Variants in PLEKHA8 observed in about 807,000 individuals in gnomAD.
PLEKHA8 encodes pleckstrin homology domain containing A8.
PLEKHA8 carries 36 observed loss-of-function variants against 68.2 expected under a neutral mutation model. The ratio of observed to expected loss-of-function variants is 0.53; its 90% CI spans 0.40 to 0.70. The LOEUF (loss-of-function observed/expected upper bound fraction) is 0.70, where lower values mean the gene tolerates loss of function less well. PLEKHA8 is among the 30% of genes least tolerant of loss of function. The pLI is 0.00. For synonymous variants in PLEKHA8, 211 were observed against 216.1 expected (o/e 0.98, Z 0.20); for missense variants, 505 against 615.4 (o/e 0.82, Z 1.90).
At chr7:30,117,924 T>G in intron 13 of PLEKHA8, 1 of 1,339,922 alleles carries the variant, frequency 7.5e-7, no homozygotes, top group Non-Finnish European at 1.0e-6. Context: ...CATATTTTTA[T>G]TTTTTAAAAA....
At chr7:30,036,085 G>A (rs565041196) in intron 1 of PLEKHA8, among the ~76,000 whole-genome samples, 74 of 151,958 alleles carry the variant, frequency 4.9e-4, no homozygotes, top group African/African-American at 1.6e-3. Context: ...GTGAAGCCCC[G>A]TCTCTACTAA....
At chr7:30,052,007 C>G (rs1792448625) in intron 6 of PLEKHA8, among the ~76,000 whole-genome samples, 1 of 152,050 alleles carries the variant, frequency 6.6e-6, no homozygotes, top group African/African-American at 2.4e-5. Context: ...CAGTTACTGG[C>G]CGGGCAAACA....
At chr7:30,115,832 A>C (rs1425113456) in intron 13 of PLEKHA8, 1 of 143,724 alleles carries the variant, frequency 7.0e-6, no homozygotes, top group South Asian at 2.2e-4. Flanking sequence ...ATGCGTGCAC[A>C]TACATGTATA....
At chr7:30,065,159 T>A (rs531586049) in intron 12 of PLEKHA8, among the ~76,000 whole-genome samples, 1 of 152,346 alleles carries the variant, frequency 6.6e-6, no homozygotes, top group South Asian at 2.1e-4. Context: ...GGGCAAATGC[T>A]GCTTTGTGAC....
At position 30,081,217 on chromosome 7, in the gene PLEKHA8, AC is replaced by A. The variant is rs1794914804; in HGVS notation, c.*2433del. ...CTTGAATAAGTTACATTTTCCAATT[AC>A]CCTTTTTCCACATCTGTAGAAAGAG... is the stretch of plus-strand genomic sequence containing the variant. On this transcript the variant is annotated 3_prime_UTR_variant, in exon 14 of 14. Transcript: ENST00000449726. The A allele has an allele frequency of 1.0e-6, 1 of 985,138 alleles. No individual in the cohort carries two copies. The highest frequency in any genetic ancestry group is 4.7e-5 in the South Asian group (1 of 21,282). 61.0% of individuals were successfully genotyped at this position (985,138 alleles called of 1,614,324 possible).
At chr7:30,112,289 C>T (rs963082103) in intron 13 of PLEKHA8, among the ~76,000 whole-genome samples, 7 of 151,718 alleles carry the variant, frequency 4.6e-5, no homozygotes, top group African/African-American at 1.7e-4. Context: ...TTGAACAAGA[C>T]GATTTTCACG....
intron 13 of PLEKHA8, among the ~76,000 whole-genome samples, chr7:30,097,320 T>C (rs1795658919): frequency 6.6e-6 from 1 of 152,226 alleles, no homozygotes; most frequent in African/African-American, 2.4e-5. Flanking sequence ...ATTGCTCTTC[T>C]TGAGGAGTCT....
At chr7:30,031,512 T>A (rs1790662173) in intron 1 of PLEKHA8, among the ~76,000 whole-genome samples, 1 of 152,116 alleles carries the variant, frequency 6.6e-6, no homozygotes. Flanking sequence ...AGAGGACCCA[T>A]CTGGCTGAGA....
intron 7 of PLEKHA8, among the ~76,000 whole-genome samples, chr7:30,054,187 G>A (rs1015958946): frequency 1.3e-5 from 2 of 152,160 alleles, no homozygotes; most frequent in African/African-American, 2.4e-5. Context: ...AAACAAGAAG[G>A]CAGAACATCA....
At chr7:30,109,526 T>C (rs901521574) in intron 13 of PLEKHA8, among the ~76,000 whole-genome samples, 1 of 130,304 alleles carries the variant, frequency 7.7e-6, no homozygotes, top group African/African-American at 2.9e-5. Context: ...AGGTGGAGGT[T>C]GCAGTCAGCC....
rs1794784395 is a variant in PLEKHA8, at chr7:30,078,991, C to G, written c.*204C>G. ...GATCAAGGTGCTATATATTTCAGTT[C>G]AGCAGGCCTACTGGAAACCAAATGA... On this transcript the variant is annotated 3_prime_UTR_variant, in exon 14 of 14. Coordinates refer to ENST00000449726, the MANE Select transcript of PLEKHA8 (RefSeq NM_001197026.2). 1 of 1,344,236 alleles carries G rather than the reference C, an allele frequency of 7.4e-7. No individual in the cohort carries two copies. Among genetic ancestry groups the G allele is most frequent in the Non-Finnish European group, 9.5e-7 (1 of 1,050,390 alleles). The allele number at this position is 1,344,236 out of a possible 1,614,324, so 83.3% of individuals were successfully genotyped here.
chr7:30,090,850 A>G (rs146723916), downstream of PLEKHA8: 339 of 191,586 alleles, frequency 1.8e-3, 2 homozygotes, highest in African/African-American at 7.6e-3. Flanking sequence ...TTAAAAATAA[A>G]TATGATTTTA....
chr7:30,057,790 C>G (rs1367689415), intron 9 of PLEKHA8, among the ~76,000 whole-genome samples: 1 of 152,156 alleles, frequency 6.6e-6, no homozygotes, highest in Non-Finnish European at 1.5e-5. Context: ...TGAAATTGCT[C>G]TAAACATTTT....
intron 3 of PLEKHA8, 137 bp from the exon 4 acceptor site, chr7:30,047,695 A>G: frequency 1.1e-6 from 1 of 881,742 alleles, no homozygotes; most frequent in Non-Finnish European, 1.6e-6. Context: ...TTTGCAACCC[A>G]TACTTTAAAG....
downstream of PLEKHA8, among the ~76,000 whole-genome samples, chr7:30,095,628 G>T (rs1015931369): frequency 2.0e-5 from 3 of 152,144 alleles, no homozygotes; most frequent in African/African-American, 7.2e-5. Context: ...GTATTGCCTA[G>T]GTTTTCTTCT....
chr7:30,106,204 G>A (rs1264432522), intron 13 of PLEKHA8, among the ~76,000 whole-genome samples: 6 of 152,054 alleles, frequency 3.9e-5, no homozygotes, highest in Non-Finnish European at 7.4e-5. Flanking sequence ...GATTACAGGC[G>A]CATGCCACCA....
At position 30,062,013 on chromosome 7, in the gene PLEKHA8, C is replaced by G; in HGVS notation, c.1215C>G (p.Leu405=). Reference sequence around the variant, plus strand: ...TTAGGAACTCAGCGACTGAAGCCCTCTTGTGGCTGAAGAGGTGAGGCAGCT... The same window carrying G: ...TTAGGAACTCAGCGACTGAAGCCCTGTTGTGGCTGAAGAGGTGAGGCAGCT... The part of the protein sequence containing the change: ...AQVRNSATEA[L]LWLKRGLKFL... Residue 405 remains leucine (L), a synonymous_variant, in exon 11 of 14, where the codon CTC becomes CTG. Coordinates refer to ENST00000449726, the MANE Select transcript of PLEKHA8 (RefSeq NM_001197026.2). 1 of 1,613,058 alleles carries G rather than the reference C, an allele frequency of 6.2e-7. No individual in the cohort carries two copies. Among genetic ancestry groups the G allele is most frequent in the East Asian group, 2.2e-5 (1 of 44,856 alleles).
intron 13 of PLEKHA8, among the ~76,000 whole-genome samples, chr7:30,099,045 C>T (rs926709760): frequency 4.6e-5 from 7 of 152,194 alleles, no homozygotes; most frequent in Admixed American, 1.3e-4. Flanking sequence ...TGTGAGCCAC[C>T]GTGCCCAGCC....
At chr7:30,103,628 T>C (rs1795949856) in intron 13 of PLEKHA8, among the ~76,000 whole-genome samples, 1 of 152,254 alleles carries the variant, frequency 6.6e-6, no homozygotes, top group Non-Finnish European at 1.5e-5. Flanking sequence ...ATATAGTCAG[T>C]TGATTTTTGA....
Sources: gnomAD v4.1 joint callset for allele counts (sites outside exome capture counted in the v4.1 genomes callset) on GRCh38, gnomAD v4.1.1 for gene constraint, MANE v1.5 for transcripts, NCBI Gene and HGNC (gene_info 2026-07-23, HGNC 2026-07-21) for gene names.